LRMDA: variants seen among roughly 807,000 people sequenced by gnomAD.
LRMDA encodes leucine rich melanocyte differentiation associated.
A neutral mutation model predicts 29.8 loss-of-function variants in LRMDA; 18 were observed. The ratio of observed to expected loss-of-function variants is 0.60; its 90% CI spans 0.42 to 0.90. The LOEUF is 0.90. LRMDA is among the 40% of genes least tolerant of loss of function. LRMDA has a pLI of 0.00. For synonymous variants in LRMDA, 125 were observed against 109.4 expected (o/e 1.14, Z -0.89); for missense variants, 273 against 273.9 (o/e 1.00, Z 0.02).
At chr10:75,834,239 C>A (rs1020210908) in intron 2 of LRMDA, among the ~76,000 whole-genome samples, 2 of 152,162 alleles carry the variant, frequency 1.3e-5, no homozygotes, top group African/African-American at 2.4e-5. Context: ...AAAGGGTCCT[C>A]CATAGCTTTT....
At chr10:76,327,602 C>A (rs1237262679) in intron 6 of LRMDA, among the ~76,000 whole-genome samples, 2 of 152,214 alleles carry the variant, frequency 1.3e-5, no homozygotes, top group African/African-American at 4.8e-5. Context: ...ATGCCTGGCA[C>A]AGGGCCTCCT....
At chr10:76,298,589 A>G (rs562250182) in intron 5 of LRMDA, among the ~76,000 whole-genome samples, 3 of 152,326 alleles carry the variant, frequency 2.0e-5, no homozygotes, top group Admixed American at 2.0e-4. Flanking sequence ...ATAGGCACCC[A>G]TGACGTGCCG....
intron 2 of LRMDA, among the ~76,000 whole-genome samples, chr10:75,656,813 G>A (rs1377916731): frequency 2.6e-5 from 4 of 152,182 alleles, no homozygotes; most frequent in Non-Finnish European, 5.9e-5. Flanking sequence ...GTATTGGATT[G>A]CATTAAACAG....
In LRMDA at chr10:75,645,140, A is replaced by G. The variant is rs1369398164; in HGVS notation, c.131+206646A>G. Among the ~76,000 whole-genome samples the G allele has an allele frequency of 2.0e-5, 3 of 151,724 alleles. No individual in the cohort carries two copies. The East Asian group carries it at 5.8e-4, about 29-fold the overall frequency. On this transcript the variant is annotated intron_variant, in intron 2 of 6. Coordinates refer to ENST00000611255, the MANE Select transcript of LRMDA (RefSeq NM_001305581.2). ...TGGGACTACAGATGTGCACCACCAC[A>G]CCCGGCTAATTTTTGTATCTTTAGT...
intron 5 of LRMDA, among the ~76,000 whole-genome samples, chr10:76,192,638 G>A (rs1327874748): frequency 6.6e-6 from 1 of 152,170 alleles, no homozygotes; most frequent in African/African-American, 2.4e-5. Flanking sequence ...TTCATTGGCT[G>A]GATGTGATTT....
intron 6 of LRMDA, among the ~76,000 whole-genome samples, chr10:76,405,937 T>A (rs1841897708): frequency 6.6e-6 from 1 of 152,326 alleles, no homozygotes; most frequent in African/African-American, 2.4e-5. Context: ...TGCTTGAAAC[T>A]TTTTCCAGCT....
intron 6 of LRMDA, chr10:76,556,617 T>C (rs1260770906): frequency 6.5e-6 from 1 of 152,724 alleles, no homozygotes; most frequent in Non-Finnish European, 1.5e-5. Flanking sequence ...CCTCCCAAAG[T>C]GCTGGGATTA....
chr10:76,323,796 G>A (rs1157583663), intron 5 of LRMDA, among the ~76,000 whole-genome samples: 2 of 152,090 alleles, frequency 1.3e-5, no homozygotes, highest in Non-Finnish European at 2.9e-5. Context: ...TTAGGCCTTG[G>A]AGTGACACAT....
chr10:76,468,531 C>G (rs1842586548), intron 6 of LRMDA, among the ~76,000 whole-genome samples: 1 of 152,142 alleles, frequency 6.6e-6, no homozygotes, highest in African/African-American at 2.4e-5. Flanking sequence ...AGCTGTAAAC[C>G]TTGCATAGAA....
intron 2 of LRMDA, among the ~76,000 whole-genome samples, chr10:76,012,640 T>C (rs1847804101): frequency 1.3e-5 from 2 of 152,198 alleles, no homozygotes; most frequent in Non-Finnish European, 1.5e-5. Flanking sequence ...GTTGTGCAAC[T>C]GGTCAGTTCA....
At chr10:75,810,896 G>A (rs1405607524) in intron 2 of LRMDA, among the ~76,000 whole-genome samples, 2 of 152,210 alleles carry the variant, frequency 1.3e-5, no homozygotes, top group African/African-American at 2.4e-5. Flanking sequence ...CAAACATCCT[G>A]TAAAGAATGT....
At chr10:75,843,862 C>T (rs1363962892) in intron 2 of LRMDA, among the ~76,000 whole-genome samples, 3 of 151,970 alleles carry the variant, frequency 2.0e-5, no homozygotes, top group East Asian at 1.9e-4. Context: ...TCATCCATGC[C>T]CTTGCAAATG....
At chr10:75,857,458 A>G (rs1844847675) in intron 2 of LRMDA, among the ~76,000 whole-genome samples, 1 of 152,200 alleles carries the variant, frequency 6.6e-6, no homozygotes, top group Admixed American at 6.5e-5. Flanking sequence ...CCCCATGTAA[A>G]GAGATGCAAA....
intron 5 of LRMDA, among the ~76,000 whole-genome samples, chr10:76,200,587 T>C (rs1851407776): frequency 1.3e-5 from 2 of 152,214 alleles, no homozygotes; most frequent in South Asian, 4.1e-4. Context: ...GTCTTATTTC[T>C]TGAGTTTTCA....
At chr10:76,359,446 G>A (rs1429596215) in intron 6 of LRMDA, among the ~76,000 whole-genome samples, 1 of 152,078 alleles carries the variant, frequency 6.6e-6, no homozygotes, top group East Asian at 1.9e-4. Context: ...AGAGGGGAGG[G>A]GAAGCTAGTT....
chr10:76,420,068 C>T (rs922693920), intron 6 of LRMDA, among the ~76,000 whole-genome samples: 10 of 151,830 alleles, frequency 6.6e-5, no homozygotes, highest in Non-Finnish European at 1.5e-4. Context: ...ATTTTACTAC[C>T]CTCATAAAAG....
chr10:76,277,034 G>C (rs549965006), intron 5 of LRMDA, among the ~76,000 whole-genome samples: 2 of 152,098 alleles, frequency 1.3e-5, no homozygotes, highest in Non-Finnish European at 2.9e-5. Context: ...AGATGAGCTG[G>C]GAACTTGTGT....
At chr10:75,642,097 G>C (rs867586465) in intron 2 of LRMDA, among the ~76,000 whole-genome samples, 1 of 152,190 alleles carries the variant, frequency 6.6e-6, no homozygotes, top group Non-Finnish European at 1.5e-5. Flanking sequence ...TGTTGGCTGA[G>C]AAGGGGGTAA....
At chr10:76,112,178 G>A (rs369103816) in intron 5 of LRMDA, among the ~76,000 whole-genome samples, 6 of 152,272 alleles carry the variant, frequency 3.9e-5, no homozygotes, top group East Asian at 1.9e-4. Context: ...GAGGGCGGAC[G>A]GGGACCCCTG....
Sources: gnomAD v4.1 joint callset for allele counts (sites outside exome capture counted in the v4.1 genomes callset) on GRCh38, gnomAD v4.1.1 for gene constraint, MANE v1.5 for transcripts, NCBI Gene and HGNC (gene_info 2026-07-23, HGNC 2026-07-21) for gene names.